The following BTC variants were observed in gnomAD, a reference collection of about 807,000 sequenced individuals.
BTC encodes betacellulin, also known as probetacellulin.
In BTC, 13 loss-of-function variants were observed where a neutral mutation model predicts 18.1. The observed-to-expected ratio is 0.72, with a 90% confidence interval of 0.47 to 1.14. BTC has a LOEUF of 1.14. Among genes scored for constraint, BTC ranks in the 50% most tolerant of loss-of-function variants. The pLI is 0.00. For synonymous variants in BTC, 83 were observed against 79.4 expected, an observed-to-expected ratio of 1.05 and a Z score of -0.24; for missense variants, 247 against 224.2, an observed-to-expected ratio of 1.10 and a Z score of -0.65.
At chr4:74,749,050 C>T (rs1409526880) in intron 4 of BTC, among the ~76,000 whole-genome samples, 2 of 152,140 alleles carry the variant, frequency 1.3e-5, no homozygotes, top group Admixed American at 1.3e-4. Context: ...GTTTAACACT[C>T]TTGTTTTACA....
At chr4:74,765,215 A>G (rs982037620) in intron 2 of BTC, among the ~76,000 whole-genome samples, 3 of 151,988 alleles carry the variant, frequency 2.0e-5, no homozygotes, top group African/African-American at 7.3e-5. Context: ...TAAAATTATC[A>G]TAAAGATGCT....
intron 1 of BTC, among the ~76,000 whole-genome samples, chr4:74,785,337 AG>A (rs1387970438): frequency 6.6e-6 from 1 of 151,930 alleles, no homozygotes; most frequent in Non-Finnish European, 1.5e-5. Context: ...TAGTCTAGTT[AG>A]CTGTCTATTT....
intron 2 of BTC, among the ~76,000 whole-genome samples, chr4:74,767,886 T>C (rs1724942664): frequency 6.6e-6 from 1 of 152,066 alleles, no homozygotes; most frequent in South Asian, 2.1e-4. Context: ...CAACTCAAAA[T>C]GGACTGAAGA....
intron 2 of BTC, among the ~76,000 whole-genome samples, chr4:74,759,659 A>T (rs556950295): frequency 2.2e-3 from 132 of 58,874 alleles, no homozygotes; most frequent in South Asian, 0.013. Context: ...ATTTAAGTTA[A>T]AAAAAAAAAA....
At position 74,794,284 on chromosome 4, in the gene BTC, T is replaced by A; in HGVS notation, c.42A>T (p.Pro14=). 1 of 1,549,614 alleles carries A rather than the reference T, an allele frequency of 6.5e-7. No homozygotes were observed. Among genetic ancestry groups the A allele is most frequent in the Admixed American group, 2.0e-5 (1 of 50,962 alleles). Residue 14 remains proline, a synonymous_variant, in exon 1 of 6, where the codon CCA becomes CCT. Transcript: ENST00000395743. ...TACCCAGGGCAAGGGCCAGGAGCAGTGGCAGGGAGCTGGCGCCGCTGCACC... is the reference window on the plus strand; with the variant it reads ...TACCCAGGGCAAGGGCCAGGAGCAGAGGCAGGGAGCTGGCGCCGCTGCACC... ...AARCSGASSL[P]LLLALALGLV... is the part of the protein sequence containing the mutation.
chr4:74,775,588 C>G (rs1319575508), intron 1 of BTC, among the ~76,000 whole-genome samples: 1 of 152,192 alleles, frequency 6.6e-6, no homozygotes, highest in African/African-American at 2.4e-5. Flanking sequence ...AATTTCAGTA[C>G]AGAAATTTCA....
In BTC at chr4:74,765,151, G is replaced by GA. The variant is rs1297423334; in HGVS notation, c.163+4906dup. 1.7e-3 allele frequency among the ~76,000 whole-genome samples: 158 copies of GA among 95,310 alleles called. 1 individual carries two copies. The highest frequency in any genetic ancestry group is 5.9e-3 in the South Asian group (18 of 3,028). 62.5% of individuals were successfully genotyped at this position (95,310 alleles called of 152,430 possible). A position where few individuals can be genotyped will look rare whatever the true frequency, so the allele number is the denominator to read the frequency against. The stretch of plus-strand genomic sequence containing the variant: ...AACAGGTAAATATATCCTAAAGAAA[G>GA]AAAAAAAAAAACACTAATGAAATGA... On this transcript the variant is annotated intron_variant, in intron 2 of 5. Coordinates refer to ENST00000395743, the MANE Select transcript of BTC (RefSeq NM_001729.4).
chr4:74,766,616 T>C (rs1241362460), intron 2 of BTC, among the ~76,000 whole-genome samples: 1 of 152,020 alleles, frequency 6.6e-6, no homozygotes, highest in Non-Finnish European at 1.5e-5. Flanking sequence ...TTGGTCATAA[T>C]CTAAAACCTC....
chr4:74,760,480 A>G (rs936472100), intron 2 of BTC, among the ~76,000 whole-genome samples: 6 of 152,208 alleles, frequency 3.9e-5, no homozygotes. Context: ...AGATATTTAA[A>G]GTTAATTTTC....
At chr4:74,756,828 G>A (rs149471170) in intron 2 of BTC, among the ~76,000 whole-genome samples, 2 of 152,202 alleles carry the variant, frequency 1.3e-5, no homozygotes, top group Non-Finnish European at 2.9e-5. Context: ...TTAGGTAAAG[G>A]CCTAATTGAT....
In BTC at chr4:74,747,198, C is replaced by T. The variant is rs114519067; in HGVS notation, c.*2-523G>A. 1.9e-3 allele frequency among the ~76,000 whole-genome samples: 289 copies of T among 152,312 alleles called. 1 individual carries two copies. The highest frequency in any genetic ancestry group is 6.7e-3 in the African/African-American group (278 of 41,568). ...CTGCTTTGTTGTGCTAGTTACGCGT[C>T]ATGTGCCTTCTTGGAGCCTTTCTCT... On this transcript the variant is annotated intron_variant, in intron 5 of 5. Coordinates refer to ENST00000395743, the MANE Select transcript of BTC (RefSeq NM_001729.4).
intron 4 of BTC, among the ~76,000 whole-genome samples, chr4:74,749,513 A>T (rs1553955877): frequency 6.6e-6 from 1 of 150,654 alleles, no homozygotes; most frequent in African/African-American, 2.4e-5. Flanking sequence ...TAAATAAATA[A>T]ATAATCAAAG....
intron 2 of BTC, among the ~76,000 whole-genome samples, chr4:74,763,214 A>T (rs1724809711): frequency 6.6e-6 from 1 of 152,278 alleles, no homozygotes; most frequent in East Asian, 1.9e-4. Flanking sequence ...TTGACATTAT[A>T]TTATTATTGT....
chr4:74,784,125 T>C (rs1725412427), intron 1 of BTC, among the ~76,000 whole-genome samples: 1 of 150,460 alleles, frequency 6.6e-6, no homozygotes, highest in Non-Finnish European at 1.5e-5. Context: ...CCAGCTACTC[T>C]GGAGGCTGAG....
intron 1 of BTC, among the ~76,000 whole-genome samples, chr4:74,781,514 CT>C (rs1560722815): frequency 6.6e-6 from 1 of 151,866 alleles, no homozygotes; most frequent in Non-Finnish European, 1.5e-5. Flanking sequence ...TAGCCTCATC[CT>C]CCTTCACATC....
intron 2 of BTC, among the ~76,000 whole-genome samples, chr4:74,758,565 A>C (rs1724663827): frequency 6.6e-6 from 1 of 152,154 alleles, no homozygotes; most frequent in South Asian, 2.1e-4. Context: ...TTTAAATATC[A>C]AAGTCATTTG....
intron 2 of BTC, among the ~76,000 whole-genome samples, chr4:74,762,779 T>C (rs1168532162): frequency 6.6e-6 from 1 of 152,188 alleles, no homozygotes; most frequent in Non-Finnish European, 1.5e-5. Context: ...TTTTACCTGA[T>C]GTTTTAAGGT....
chr4:74,754,783 C>A (rs1553956519), intron 3 of BTC, among the ~76,000 whole-genome samples: 1 of 151,970 alleles, frequency 6.6e-6, no homozygotes, highest in African/African-American at 2.4e-5. Context: ...TTTTAGAGGG[C>A]AGCAATATCT....
intron 1 of BTC, among the ~76,000 whole-genome samples, chr4:74,789,854 T>C (rs1050274816): frequency 6.6e-6 from 1 of 152,204 alleles, no homozygotes; most frequent in African/African-American, 2.4e-5. Context: ...TTCTAAATAT[T>C]TTATTTTACT....
Sources: allele counts gnomAD v4.1 joint callset (sites outside exome capture counted in the v4.1 genomes callset), GRCh38; gene constraint gnomAD v4.1.1; transcripts MANE v1.5; gene names NCBI Gene and HGNC (gene_info 2026-07-23, HGNC 2026-07-21).